APPBP2: variants seen among roughly 807,000 people sequenced by gnomAD.
APPBP2 encodes the protein amyloid beta precursor protein binding protein 2.
In APPBP2, 15 loss-of-function variants were observed where a neutral mutation model predicts 76.0. That is an observed-to-expected ratio of 0.20 (90% CI 0.13 to 0.30). The LOEUF is 0.30. Among genes scored for constraint, APPBP2 ranks in the 10% least tolerant of loss-of-function variants. The probability of loss-of-function intolerance (pLI) is 1.00; values close to 1 mark genes in which losing one functional copy is unlikely to be tolerated. For synonymous variants in APPBP2, 222 were observed against 242.2 expected (o/e 0.92, Z 0.77); for missense variants, 401 against 687.2 (o/e 0.58, Z 4.66).
At chr17:60,448,869 TTA>T (rs1567916132) in intron 12 of APPBP2, among the ~76,000 whole-genome samples, 1 of 152,110 alleles carries the variant, frequency 6.6e-6, no homozygotes, top group African/African-American at 2.4e-5. Flanking sequence ...TCAGAGAAAA[TTA>T]TATGTATCTG....
chr17:60,519,073 C>T (rs2090987810), intron 1 of APPBP2, among the ~76,000 whole-genome samples: 1 of 152,076 alleles, frequency 6.6e-6, no homozygotes, highest in African/African-American at 2.4e-5. Flanking sequence ...ATGATCCTTC[C>T]ACCTCAGCCT....
At chr17:60,467,249 A>T (rs2090518425) in intron 4 of APPBP2, among the ~76,000 whole-genome samples, 1 of 152,224 alleles carries the variant, frequency 6.6e-6, no homozygotes, top group Non-Finnish European at 1.5e-5. Flanking sequence ...AGAAGGAACA[A>T]AGGTATAAAA....
At chr17:60,512,832 T>TAAAAA (rs770075935) in intron 1 of APPBP2, among the ~76,000 whole-genome samples, 429 of 29,608 alleles carry the variant, frequency 0.014, 9 homozygotes, top group African/African-American at 0.052. Context: ...AGACTCCATC[T>TAAAAA]AAAAAAAAAA....
chr17:60,499,551 T>A (rs944217354), intron 2 of APPBP2, among the ~76,000 whole-genome samples: 1 of 152,100 alleles, frequency 6.6e-6, no homozygotes, highest in Admixed American at 6.6e-5. Flanking sequence ...ATCCAGCAAT[T>A]CAACTTCTGA....
chr17:60,489,491 G>T (rs984185715), intron 3 of APPBP2, among the ~76,000 whole-genome samples: 2 of 149,410 alleles, frequency 1.3e-5, no homozygotes, highest in Admixed American at 6.7e-5. Context: ...CATGCCTGTA[G>T]TCCCAGCTAC....
At chr17:60,493,054 C>T (rs1463226996) in intron 3 of APPBP2, among the ~76,000 whole-genome samples, 1 of 152,202 alleles carries the variant, frequency 6.6e-6, no homozygotes, top group African/African-American at 2.4e-5. Flanking sequence ...GAATAAGTCT[C>T]ATGAGAGCTG....
At chr17:60,505,416 C>G (rs891120780) in intron 1 of APPBP2, among the ~76,000 whole-genome samples, 1 of 152,206 alleles carries the variant, frequency 6.6e-6, no homozygotes, top group Non-Finnish European at 1.5e-5. Flanking sequence ...CCCGCGTTCA[C>G]GCCATTCTCC....
chr17:60,473,877 G>C (rs2090570661), intron 4 of APPBP2, among the ~76,000 whole-genome samples: 1 of 152,118 alleles, frequency 6.6e-6, no homozygotes, highest in African/African-American at 2.4e-5. Flanking sequence ...TCTTTGGAAT[G>C]ACAGCTTTTT....
chr17:60,460,525 AAGCTCCAGGAAGACAAGTT>A (rs1380923111), intron 9 of APPBP2, 119 bp downstream of exon 9: 1 of 873,332 alleles, frequency 1.1e-6, no homozygotes, highest in African/African-American at 1.7e-5. Context: ...CATTCTGATA[AAGCTCCAGGAAGACAAGTT>A]CAATCCATAA....
At chr17:60,517,555 T>C (rs1034548194) in intron 1 of APPBP2, among the ~76,000 whole-genome samples, 1 of 152,210 alleles carries the variant, frequency 6.6e-6, no homozygotes. Flanking sequence ...GAAATGACTT[T>C]TGTGTGTGGT....
chr17:60,503,627 C>G (rs1415132749), intron 1 of APPBP2, among the ~76,000 whole-genome samples: 4 of 146,444 alleles, frequency 2.7e-5, no homozygotes, highest in Non-Finnish European at 5.9e-5. Context: ...CTCAGGTGAT[C>G]CGCCTGCCTT....
chr17:60,470,933 G>GTC (rs2090547789), intron 4 of APPBP2, among the ~76,000 whole-genome samples: 1 of 151,880 alleles, frequency 6.6e-6, no homozygotes. Context: ...TGGGATTACA[G>GTC]GTGTGCACCA....
chr17:60,510,631 G>C (rs986947720), intron 1 of APPBP2, among the ~76,000 whole-genome samples: 2 of 151,892 alleles, frequency 1.3e-5, no homozygotes, highest in African/African-American at 4.8e-5. Flanking sequence ...TGGGAGGTTT[G>C]CCTGAGCCTG....
intron 3 of APPBP2, among the ~76,000 whole-genome samples, chr17:60,491,988 G>A (rs2090733603): frequency 6.6e-6 from 1 of 152,152 alleles, no homozygotes; most frequent in African/African-American, 2.4e-5. Flanking sequence ...AGGAAAAAAT[G>A]GTTTTGTGAG....
At chr17:60,461,048 T>C (rs1439012270) in intron 8 of APPBP2, 4 of 205,538 alleles carry the variant, frequency 1.9e-5, no homozygotes, top group Admixed American at 5.4e-5. Context: ...AATCAAGACA[T>C]TGGGAATGTT....
intron 1 of APPBP2, among the ~76,000 whole-genome samples, chr17:60,522,884 A>G (rs1432541478): frequency 2.6e-5 from 4 of 152,052 alleles, no homozygotes; most frequent in Admixed American, 1.3e-4. Flanking sequence ...AAAAAAAAGA[A>G]AAAACATTTC....
intron 2 of APPBP2, among the ~76,000 whole-genome samples, chr17:60,499,607 C>G (rs2090806088): frequency 6.6e-6 from 1 of 152,178 alleles, no homozygotes; most frequent in African/African-American, 2.4e-5. Context: ...AGAGATATTT[C>G]TACGCTCATG....
chr17:60,517,099 C>A (rs528409092), intron 1 of APPBP2, among the ~76,000 whole-genome samples: 2 of 152,210 alleles, frequency 1.3e-5, no homozygotes, highest in African/African-American at 4.8e-5. Context: ...CCTCAGACTC[C>A]CAAGTAGCTG....
chr17:60,453,063 A>C (rs2090406914), intron 11 of APPBP2, among the ~76,000 whole-genome samples: 1 of 152,256 alleles, frequency 6.6e-6, no homozygotes, highest in Admixed American at 6.5e-5. Context: ...CATTCTGCTA[A>C]GAGCTATACT....
Sources: allele counts gnomAD v4.1 joint callset (sites outside exome capture counted in the v4.1 genomes callset), GRCh38; gene constraint gnomAD v4.1.1; transcripts MANE v1.5; gene names NCBI Gene and HGNC (gene_info 2026-07-23, HGNC 2026-07-21).